LRRC4C: variants seen among roughly 807,000 people sequenced by gnomAD.
The protein encoded by LRRC4C is leucine-rich repeat-containing protein 4C.
Under a neutral mutation model 33.6 loss-of-function variants are expected in LRRC4C, and 5 were observed. The ratio of observed to expected loss-of-function variants is 0.15; its 90% CI spans 0.08 to 0.31. The LOEUF (loss-of-function observed/expected upper bound fraction) is 0.31, where lower values mean the gene tolerates loss of function less well. Ranked by LOEUF, LRRC4C falls within the 10% of genes least tolerant of loss-of-function variation. The pLI is 1.00. For missense variants in LRRC4C, 560 were observed against 796.7 expected (o/e 0.70, Z 3.58); for synonymous variants, 329 against 302.0 (o/e 1.09, Z -0.93).
At chr11:40,958,109 G>C (rs552003820) in intron 1 of LRRC4C, among the ~76,000 whole-genome samples, 2 of 151,630 alleles carry the variant, frequency 1.3e-5, no homozygotes, top group East Asian at 3.9e-4. Flanking sequence ...CAAGAAGCAG[G>C]CCCTCACCAC....
intron 4 of LRRC4C, among the ~76,000 whole-genome samples, chr11:40,296,896 A>G (rs536887478): frequency 6.6e-6 from 1 of 152,304 alleles, no homozygotes; most frequent in East Asian, 1.9e-4. Flanking sequence ...AGAGGACAAA[A>G]TGCTTATTGA....
chr11:40,438,788 A>G (rs756627016), intron 3 of LRRC4C, among the ~76,000 whole-genome samples: 2 of 152,070 alleles, frequency 1.3e-5, no homozygotes. Context: ...CACTTTTGTT[A>G]TTTTATTTTT....
chr11:41,312,848 C>A (rs1000784152), intron 1 of LRRC4C, among the ~76,000 whole-genome samples: 1 of 152,156 alleles, frequency 6.6e-6, no homozygotes, highest in Non-Finnish European at 1.5e-5. Context: ...ATGTATATTT[C>A]TCAAGGAAAA....
chr11:40,679,296 G>A (rs1020698510), intron 2 of LRRC4C, among the ~76,000 whole-genome samples: 1 of 152,126 alleles, frequency 6.6e-6, no homozygotes, highest in Non-Finnish European at 1.5e-5. Flanking sequence ...GAACATTAAA[G>A]TTTGGAAAAT....
At chr11:40,238,033 A>G (rs900770965) in intron 5 of LRRC4C, among the ~76,000 whole-genome samples, 18 of 152,212 alleles carry the variant, frequency 1.2e-4, no homozygotes, top group Admixed American at 8.5e-4. Context: ...CAAACTCAGC[A>G]CAAATGGTAC....
At chr11:41,101,088 G>C (rs375644446) in intron 1 of LRRC4C, among the ~76,000 whole-genome samples, 1 of 152,088 alleles carries the variant, frequency 6.6e-6, no homozygotes, top group African/African-American at 2.4e-5. Flanking sequence ...CTAGACAGAG[G>C]AACTGGCAAA....
intron 2 of LRRC4C, among the ~76,000 whole-genome samples, chr11:40,707,291 T>A (rs995499066): frequency 6.6e-6 from 1 of 152,184 alleles, no homozygotes. Context: ...CTTGCACCAG[T>A]TTTCAAAGGG....
At chr11:41,261,009 A>T (rs769816464) in intron 1 of LRRC4C, among the ~76,000 whole-genome samples, 1 of 152,120 alleles carries the variant, frequency 6.6e-6, no homozygotes, top group Non-Finnish European at 1.5e-5. Flanking sequence ...GGTATTTATT[A>T]TTATTTTGCC....
chr11:40,581,838 G>A (rs1185590818), intron 3 of LRRC4C, among the ~76,000 whole-genome samples: 2 of 152,158 alleles, frequency 1.3e-5, no homozygotes, highest in Non-Finnish European at 2.9e-5. Flanking sequence ...GAGAGGTGGA[G>A]GTTGCAGTGA....
At chr11:41,340,296 T>C (rs1951587372) in intron 1 of LRRC4C, among the ~76,000 whole-genome samples, 1 of 152,196 alleles carries the variant, frequency 6.6e-6, no homozygotes, top group African/African-American at 2.4e-5. Context: ...TTATTAAATC[T>C]TGAGATTAGA....
In LRRC4C at chr11:41,144,239, C is replaced by T. The variant is rs183821546; in HGVS notation, c.-495-210516G>A. ...CAGCTGGGAATAAAATGTCTGCAGG[C>T]AAGGGTATAGAGTGATTGCTTCCAA... On this transcript the variant is annotated intron_variant, in intron 1 of 6. Coordinates refer to ENST00000528697, the MANE Select transcript of LRRC4C (RefSeq NM_001258419.2). 2.1e-3 allele frequency among the ~76,000 whole-genome samples: 317 copies of T among 152,240 alleles called. 1 individual carries two copies. Among genetic ancestry groups the T allele is most frequent in the African/African-American group, 7.3e-3 (302 of 41,546 alleles).
intron 3 of LRRC4C, among the ~76,000 whole-genome samples, chr11:40,375,532 G>A (rs1452864251): frequency 1.3e-5 from 2 of 152,104 alleles, no homozygotes; most frequent in East Asian, 1.9e-4. Context: ...CTTTTGCCAA[G>A]GTCTAACATT....
intron 1 of LRRC4C, among the ~76,000 whole-genome samples, chr11:41,236,305 G>T (rs185464171): frequency 6.6e-6 from 1 of 151,854 alleles, no homozygotes; most frequent in Admixed American, 6.6e-5. Context: ...CTTCAGGAGG[G>T]GTTCAACCAC....
intron 1 of LRRC4C, among the ~76,000 whole-genome samples, chr11:41,241,845 C>T (rs369971581): frequency 2.0e-5 from 3 of 152,214 alleles, no homozygotes; most frequent in East Asian, 3.9e-4. Flanking sequence ...TCAGTGCAAG[C>T]CCAGTCAGTG....
In LRRC4C at chr11:40,732,974, A is replaced by G. The variant is rs564525356; in HGVS notation, c.-406-84696T>C. On this transcript the variant is annotated intron_variant, in intron 2 of 6. Coordinates refer to ENST00000528697, the MANE Select transcript of LRRC4C (RefSeq NM_001258419.2). ...TACAGATGAGGACTGTAACATAACT[A>G]CTTGGTCTAAGGATCCACATCTAGT... Among the ~76,000 whole-genome samples, 21 of 150,732 alleles carry G rather than the reference A, an allele frequency of 1.4e-4. No homozygotes were observed. In the East Asian group the frequency reaches 4.1e-3, roughly 29 times the overall value.
At chr11:40,897,599 G>A (rs112703415) in intron 2 of LRRC4C, among the ~76,000 whole-genome samples, 19 of 152,246 alleles carry the variant, frequency 1.2e-4, no homozygotes, top group African/African-American at 4.6e-4. Context: ...GAATGACTTT[G>A]CTTATCCAAA....
chr11:40,544,880 C>T (rs182166885), intron 3 of LRRC4C, among the ~76,000 whole-genome samples: 20 of 152,048 alleles, frequency 1.3e-4, no homozygotes, highest in Admixed American at 9.8e-4. Flanking sequence ...AATCTAAAAA[C>T]GATCAAACAT....
chr11:40,834,911 G>GACAC (rs10682975), intron 2 of LRRC4C, among the ~76,000 whole-genome samples: 2,307 of 84,910 alleles, frequency 0.027, 36 homozygotes, highest in South Asian at 0.054. Context: ...CAGACAGACA[G>GACAC]ACACACACAC....
At chr11:40,304,153 C>G (rs559161710) in intron 4 of LRRC4C, among the ~76,000 whole-genome samples, 21 of 152,274 alleles carry the variant, frequency 1.4e-4, no homozygotes, top group Admixed American at 3.9e-4. Flanking sequence ...AGACCTGTAT[C>G]AAGTCATTTT....
Sources: allele counts gnomAD v4.1 joint callset (sites outside exome capture counted in the v4.1 genomes callset), GRCh38; gene constraint gnomAD v4.1.1; transcripts MANE v1.5; gene names NCBI Gene and HGNC (gene_info 2026-07-23, HGNC 2026-07-21).